FLACC1: variants seen among roughly 807,000 people sequenced by gnomAD.
The protein encoded by FLACC1 is flagellum-associated coiled-coil domain-containing protein 1.
Under a neutral mutation model 62.8 loss-of-function variants are expected in FLACC1, and 66 were observed. The ratio of observed to expected loss-of-function variants is 1.05; its 90% CI spans 0.86 to 1.29. FLACC1 has a LOEUF of 1.29. Among genes scored for constraint, FLACC1 ranks in the 50% most tolerant of loss-of-function variants. FLACC1 has a pLI of 0.00. For missense variants in FLACC1, 452 were observed against 489.1 expected, an observed-to-expected ratio of 0.92 and a Z score of 0.71; for synonymous variants, 156 against 161.0, an observed-to-expected ratio of 0.97 and a Z score of 0.24.
In FLACC1 at chr2:201,330,936, A is replaced by G. The variant is rs1950582057; in HGVS notation, c.525-103T>C. ...ACCCTCCACCCTCCCACAGGAAGTG[A>G]GGTTCTCACTTTTTTATTTTTAAAA... is the stretch of plus-strand genomic sequence containing the variant. On this transcript the variant is annotated intron_variant, in intron 7 of 14. Coordinates refer to ENST00000392257, the MANE Select transcript of FLACC1 (RefSeq NM_001127391.3). 3 of 676,724 alleles carry G rather than the reference A, an allele frequency of 4.4e-6. No homozygotes were observed. In the African/African-American group the frequency reaches 5.6e-5, roughly 13 times the overall value. The allele number at this position is 676,724 out of a possible 1,614,324, so 41.9% of individuals were successfully genotyped here.
intron 9 of FLACC1, among the ~76,000 whole-genome samples, chr2:201,311,690 G>T (rs1256971636): frequency 8.3e-6 from 1 of 121,002 alleles, no homozygotes. Context: ...GACAGAATGA[G>T]ACACTGACTC....
At chr2:201,343,040 C>T (rs1950842996) in intron 6 of FLACC1, among the ~76,000 whole-genome samples, 1 of 152,150 alleles carries the variant, frequency 6.6e-6, no homozygotes, top group Non-Finnish European at 1.5e-5. Flanking sequence ...TAGGGCTTGT[C>T]CTTGTACCTC....
At chr2:201,293,877 G>C (rs1949796896) in intron 12 of FLACC1, among the ~76,000 whole-genome samples, 1 of 151,938 alleles carries the variant, frequency 6.6e-6, no homozygotes, top group East Asian at 1.9e-4. Flanking sequence ...ACTACCATCA[G>C]AGAGTACTAT....
intron 12 of FLACC1, among the ~76,000 whole-genome samples, chr2:201,294,787 CA>C (rs1949821733): frequency 6.6e-6 from 1 of 152,124 alleles, no homozygotes; most frequent in African/African-American, 2.4e-5. Flanking sequence ...CATCTCTGCC[CA>C]AAATCTCCTT....
chr2:201,335,608 C>G (rs6435079), intron 7 of FLACC1, among the ~76,000 whole-genome samples: 95,763 of 151,876 alleles, frequency 0.63, 30,791 homozygotes, highest in South Asian at 0.79. Flanking sequence ...TTTAAAATCA[C>G]GTGCCTTTAG....
intron 7 of FLACC1, among the ~76,000 whole-genome samples, chr2:201,332,484 G>T (rs1296577598): frequency 6.6e-6 from 1 of 152,118 alleles, no homozygotes; most frequent in Non-Finnish European, 1.5e-5. Context: ...GTGACCTCAG[G>T]TGATCCACCC....
At chr2:201,358,411 A>ATTTTTTTTT (rs529458487), upstream of FLACC1, among the ~76,000 whole-genome samples, 1 of 120,426 alleles carries the variant, frequency 8.3e-6, no homozygotes, top group Non-Finnish European at 1.7e-5. Flanking sequence ...TGCCCAGCTA[A>ATTTTTTTTT]TTTTTTTTTT....
chr2:201,348,035 TG>T (rs1171701996), intron 4 of FLACC1: 1 of 441,232 alleles, frequency 2.3e-6, no homozygotes, highest in Non-Finnish European at 4.1e-6. Context: ...CAGGAGAGAG[TG>T]GCAATTAAAT....
At position 201,288,636 on chromosome 2, in the gene FLACC1, A is replaced by G. The variant is rs1949644177; in HGVS notation, c.*19T>C. On this transcript the variant is annotated 3_prime_UTR_variant, in exon 15 of 15. Coordinates refer to ENST00000392257, the MANE Select transcript of FLACC1 (RefSeq NM_001127391.3). ...AATGGTGTGCCAACCATCTTCAACAATGCAGAGCAACTTTTTGTTTATGAT... is the reference window on the plus strand; with the variant it reads ...AATGGTGTGCCAACCATCTTCAACAGTGCAGAGCAACTTTTTGTTTATGAT... 1 of 1,612,864 alleles carries G rather than the reference A, an allele frequency of 6.2e-7. No homozygotes were observed. The highest frequency in any genetic ancestry group is 2.2e-5 in the East Asian group (1 of 44,852).
intron 11 of FLACC1, 103 bp downstream of exon 11, chr2:201,307,416 C>T: frequency 1.2e-6 from 1 of 847,338 alleles, no homozygotes; most frequent in Non-Finnish European, 2.0e-6. Flanking sequence ...GGATTATGCC[C>T]AGAAAGACAA....
intron 1 of FLACC1, among the ~76,000 whole-genome samples, chr2:201,355,454 G>A (rs1438657042): frequency 6.6e-6 from 1 of 152,102 alleles, no homozygotes; most frequent in Non-Finnish European, 1.5e-5. Context: ...TCACTCAGTG[G>A]AGTTTTACAT....
intron 12 of FLACC1, among the ~76,000 whole-genome samples, chr2:201,295,345 A>C (rs1487673446): frequency 1.3e-5 from 2 of 152,092 alleles, no homozygotes; most frequent in Non-Finnish European, 2.9e-5. Context: ...CAGAGCCCTC[A>C]GAAATAATGC....
In FLACC1 at chr2:201,303,373, T is replaced by A. The variant is rs529746760; in HGVS notation, c.880-4073A>T. Among the ~76,000 whole-genome samples the A allele has an allele frequency of 2.6e-3, 392 of 152,068 alleles. 1 individual carries two copies. Among genetic ancestry groups the A allele is most frequent in the African/African-American group, 8.8e-3 (365 of 41,488 alleles). On this transcript the variant is annotated intron_variant, in intron 11 of 14. Coordinates refer to ENST00000392257, the MANE Select transcript of FLACC1 (RefSeq NM_001127391.3). ...TGGACACATACACCCTCCCAAGACT[T>A]AACCAGGAAGAAGTTGAATCCGTGA...
chr2:201,296,320 T>C (rs1165452672), intron 12 of FLACC1, among the ~76,000 whole-genome samples: 1 of 151,964 alleles, frequency 6.6e-6, no homozygotes, highest in Admixed American at 6.5e-5. Context: ...TACCATGGAA[T>C]ACTATGCAGC....
intron 7 of FLACC1, among the ~76,000 whole-genome samples, chr2:201,338,730 G>A (rs1950745519): frequency 6.6e-6 from 1 of 152,134 alleles, no homozygotes; most frequent in Non-Finnish European, 1.5e-5. Context: ...TTCATAAGCT[G>A]AACCATCCTT....
chr2:201,308,645 T>C (rs555198049), intron 10 of FLACC1, among the ~76,000 whole-genome samples: 1 of 152,316 alleles, frequency 6.6e-6, no homozygotes, highest in East Asian at 1.9e-4. Flanking sequence ...ATACTTTGTA[T>C]GGTGCAAGCT....
intron 6 of FLACC1, 141 bp from the exon 7 acceptor site, chr2:201,342,572 C>T (rs1950832992): frequency 4.0e-6 from 3 of 742,116 alleles, no homozygotes; most frequent in Middle Eastern, 3.4e-4. Context: ...ACCCCTCTTC[C>T]ACTGTGCTCT....
At chr2:201,358,846 T>C (rs1221582605), upstream of FLACC1, among the ~76,000 whole-genome samples, 2 of 152,140 alleles carry the variant, frequency 1.3e-5, no homozygotes, top group Non-Finnish European at 2.9e-5. Flanking sequence ...CAGGTGTAAG[T>C]CACCATGCAG....
intron 7 of FLACC1, among the ~76,000 whole-genome samples, chr2:201,340,035 G>A (rs183688317): frequency 4.2e-4 from 64 of 152,318 alleles, no homozygotes; most frequent in Admixed American, 2.8e-3. Context: ...CAGGCCCATA[G>A]GTGGTGCATG....
Sources: gnomAD v4.1 joint callset for allele counts (sites outside exome capture counted in the v4.1 genomes callset) on GRCh38, gnomAD v4.1.1 for gene constraint, MANE v1.5 for transcripts, NCBI Gene and HGNC (gene_info 2026-07-23, HGNC 2026-07-21) for gene names.